Variants in SESTD1 observed in about 807,000 individuals in gnomAD.
SESTD1 encodes SEC14 domain and spectrin repeat-containing protein 1.
In SESTD1, 43 loss-of-function variants were observed where a neutral mutation model predicts 101.7. That is an observed-to-expected ratio of 0.42 (90% CI 0.33 to 0.55). The LOEUF (loss-of-function observed/expected upper bound fraction) is 0.55. Among genes scored for constraint, SESTD1 ranks in the 20% least tolerant of loss-of-function variants. The pLI is 0.07. For missense variants in SESTD1, 647 were observed against 815.1 expected, an observed-to-expected ratio of 0.79 and a Z score of 2.51; for synonymous variants, 283 against 286.8, an observed-to-expected ratio of 0.99 and a Z score of 0.13.
intron 8 of SESTD1, among the ~76,000 whole-genome samples, chr2:179,145,707 T>C (rs2045380345): frequency 6.6e-6 from 1 of 152,202 alleles, no homozygotes; most frequent in Non-Finnish European, 1.5e-5. Context: ...CAGTAGAGCT[T>C]TGGCTTTGGA....
intron 1 of SESTD1, among the ~76,000 whole-genome samples, chr2:179,239,880 C>A (rs2047124947): frequency 6.6e-6 from 1 of 152,158 alleles, no homozygotes; most frequent in Non-Finnish European, 1.5e-5. Context: ...TATTAACAAC[C>A]AATTTACAAT....
intron 1 of SESTD1, among the ~76,000 whole-genome samples, chr2:179,209,386 T>G (rs1249230612): frequency 7.4e-6 from 1 of 134,774 alleles, no homozygotes; most frequent in Non-Finnish European, 1.6e-5. Flanking sequence ...AACAGATATT[T>G]ACAGAACATT....
intron 1 of SESTD1, among the ~76,000 whole-genome samples, chr2:179,236,151 T>C (rs116545475): frequency 0.011 from 1,449 of 135,670 alleles, 11 homozygotes; most frequent in Middle Eastern, 0.033. Flanking sequence ...TTTTTACTTG[T>C]TGAATTACTT....
intron 1 of SESTD1, among the ~76,000 whole-genome samples, chr2:179,260,225 T>C (rs1199250720): frequency 6.6e-6 from 1 of 152,224 alleles, no homozygotes; most frequent in Non-Finnish European, 1.5e-5. Context: ...GTAGGAGTTA[T>C]TGTCATTTGA....
At chr2:179,182,932 A>AT (rs1352556038) in intron 3 of SESTD1, 148 bp downstream of exon 3, 1 of 504,592 alleles carries the variant, frequency 2.0e-6, no homozygotes. Flanking sequence ...CAATGATGTT[A>AT]TAAGTCATTG....
intron 2 of SESTD1, among the ~76,000 whole-genome samples, chr2:179,184,427 T>C (rs905151919): frequency 3.9e-5 from 6 of 152,152 alleles, no homozygotes; most frequent in African/African-American, 1.2e-4. Flanking sequence ...CTGTCCTCCA[T>C]TAGGTCAACG....
intron 5 of SESTD1, among the ~76,000 whole-genome samples, chr2:179,169,630 T>G (rs2045895865): frequency 6.6e-6 from 1 of 152,226 alleles, no homozygotes; most frequent in South Asian, 2.1e-4. Flanking sequence ...GAATACTTAT[T>G]CTGGGAATCA....
At chr2:179,220,361 C>A (rs563096070) in intron 1 of SESTD1, among the ~76,000 whole-genome samples, 3 of 152,156 alleles carry the variant, frequency 2.0e-5, no homozygotes, top group Non-Finnish European at 4.4e-5. Flanking sequence ...CTTAGTTTGA[C>A]TGCTTCTTCA....
At chr2:179,173,539 C>T (rs909188523) in intron 4 of SESTD1, among the ~76,000 whole-genome samples, 33 of 152,252 alleles carry the variant, frequency 2.2e-4, no homozygotes, top group African/African-American at 7.7e-4. Flanking sequence ...ATCTCATTCT[C>T]TTAATTTTAC....
intron 1 of SESTD1, among the ~76,000 whole-genome samples, chr2:179,263,243 A>G (rs960754785): frequency 1.3e-5 from 2 of 152,224 alleles, no homozygotes; most frequent in African/African-American, 4.8e-5. Flanking sequence ...ACAAAGACGT[A>G]TTTTACTGCT....
intron 1 of SESTD1, among the ~76,000 whole-genome samples, chr2:179,229,818 A>C (rs993820833): frequency 2.6e-5 from 3 of 113,556 alleles, no homozygotes; most frequent in Non-Finnish European, 5.3e-5. Context: ...CACACACACA[A>C]CCCTACTTGA....
chr2:179,218,849 T>C (rs2046763488), intron 1 of SESTD1, among the ~76,000 whole-genome samples: 1 of 152,240 alleles, frequency 6.6e-6, no homozygotes, highest in Admixed American at 6.5e-5. Flanking sequence ...AAATCTATAC[T>C]TAGAACCTAA....
chr2:179,186,711 G>A (rs111540484), intron 2 of SESTD1, among the ~76,000 whole-genome samples: 8,310 of 140,256 alleles, frequency 0.059, 305 homozygotes, highest in South Asian at 0.09. Context: ...TTTTTGAGAC[G>A]GAGTCTTGCT....
intron 1 of SESTD1, among the ~76,000 whole-genome samples, chr2:179,219,083 C>G (rs1307716520): frequency 6.7e-6 from 1 of 149,372 alleles, no homozygotes; most frequent in Non-Finnish European, 1.5e-5. Flanking sequence ...GGAGAGCCAC[C>G]CAAGATCCCG....
chr2:179,123,850 A>T, intron 11 of SESTD1, 21 bp from the exon 12 acceptor site: 15 of 1,549,754 alleles, frequency 9.7e-6, no homozygotes, highest in Non-Finnish European at 1.2e-5. Context: ...GGGACACCAA[A>T]GAGATAACCC....
chr2:179,102,314 G>C lies in SESTD1; in HGVS notation c.*7585C>G, dbSNP rs557880595. ...ATTTTTGATTTAATGAAAGGTTTTAGGTAACACTGTTAGAAACAATTTAAA... is the reference window on the plus strand; with the variant it reads ...ATTTTTGATTTAATGAAAGGTTTTACGTAACACTGTTAGAAACAATTTAAA... On this transcript the variant is annotated 3_prime_UTR_variant, in exon 18 of 18. Transcript: ENST00000428443. 15 of 152,090 alleles carry C rather than the reference G, an allele frequency of 9.9e-5. No individual in the cohort carries two copies. Among genetic ancestry groups the C allele is most frequent in the African/African-American group, 3.4e-4 (14 of 41,482 alleles). 9.4% of individuals were successfully genotyped at this position (152,090 alleles called of 1,614,324 possible).
At chr2:179,259,174 T>C (rs954975687) in intron 1 of SESTD1, among the ~76,000 whole-genome samples, 7 of 152,178 alleles carry the variant, frequency 4.6e-5, no homozygotes, top group Non-Finnish European at 7.4e-5. Flanking sequence ...TCTGATAGGA[T>C]TATTGGAAAG....
At chr2:179,241,094 G>C (rs1449802613) in intron 1 of SESTD1, among the ~76,000 whole-genome samples, 3 of 151,970 alleles carry the variant, frequency 2.0e-5, no homozygotes, top group Non-Finnish European at 2.9e-5. Context: ...GCAGTAAATG[G>C]GATAAAAAGC....
chr2:179,255,786 C>A (rs1271986541), intron 1 of SESTD1, among the ~76,000 whole-genome samples: 1 of 152,184 alleles, frequency 6.6e-6, no homozygotes. Flanking sequence ...ACTTTCATAG[C>A]AAGAGAGAAG....
Sources: gnomAD v4.1 joint callset for allele counts (sites outside exome capture counted in the v4.1 genomes callset) on GRCh38, gnomAD v4.1.1 for gene constraint, MANE v1.5 for transcripts, NCBI Gene and HGNC (gene_info 2026-07-23, HGNC 2026-07-21) for gene names.